The following GRIA4 variants were observed in gnomAD, a reference collection of about 807,000 sequenced individuals.
GRIA4 encodes the protein glutamate receptor 4.
In GRIA4, 34 loss-of-function variants were observed where a neutral mutation model predicts 104.0. That is an observed-to-expected ratio of 0.33 (90% CI 0.25 to 0.44). GRIA4 has a LOEUF of 0.44. GRIA4 is among the 20% of genes least tolerant of loss of function. GRIA4 has a pLI of 1.00. For synonymous variants in GRIA4, 386 were observed against 381.9 expected, an observed-to-expected ratio of 1.01 and a Z score of -0.13; for missense variants, 750 against 1,096.5, an observed-to-expected ratio of 0.68 and a Z score of 4.46.
At chr11:105,622,802 A>C (rs780714877) in intron 3 of GRIA4, among the ~76,000 whole-genome samples, 2 of 151,588 alleles carry the variant, frequency 1.3e-5, no homozygotes, top group African/African-American at 2.4e-5. Flanking sequence ...CGTGCATTGC[A>C]CTCATTAAGT....
At chr11:105,842,368 T>TCA (rs2135962713) in intron 4 of GRIA4, among the ~76,000 whole-genome samples, 1 of 152,254 alleles carries the variant, frequency 6.6e-6, no homozygotes. Flanking sequence ...TTAGTGTGAC[T>TCA]GCTATGATAA....
At chr11:105,762,400 T>C (rs1338205319) in intron 4 of GRIA4, among the ~76,000 whole-genome samples, 1 of 152,208 alleles carries the variant, frequency 6.6e-6, no homozygotes, top group African/African-American at 2.4e-5. Context: ...TGACAATTGT[T>C]TTCTGGATGG....
At chr11:105,924,353 T>C (rs200389562) in intron 11 of GRIA4, 46 bp from the exon 12 acceptor site, 18 of 1,444,160 alleles carry the variant, frequency 1.2e-5, no homozygotes, top group Middle Eastern at 1.8e-4. Context: ...AATTGCTTCA[T>C]GAAATTCATT....
At chr11:105,610,870 C>CTTTTTTTTT (rs55973528) in intron 1 of GRIA4, 38 bp from the exon 2 acceptor site, 3 of 330,394 alleles carry the variant, frequency 9.1e-6, no homozygotes, top group African/African-American at 2.7e-5. Context: ...TCTTTCTTTT[C>CTTTTTTTTT]TTTTTTTTTT....
chr11:105,731,936 C>T (rs190123616), intron 3 of GRIA4, among the ~76,000 whole-genome samples: 2 of 151,902 alleles, frequency 1.3e-5, no homozygotes, highest in Admixed American at 1.3e-4. Context: ...GATGATGGGT[C>T]GATGGGTGCA....
intron 3 of GRIA4, among the ~76,000 whole-genome samples, chr11:105,628,021 G>A (rs1950931910): frequency 6.6e-6 from 1 of 152,020 alleles, no homozygotes; most frequent in South Asian, 2.1e-4. Flanking sequence ...TAAAAAATGA[G>A]TTGAACAATT....
At chr11:105,845,601 G>A (rs1453312061) in intron 4 of GRIA4, among the ~76,000 whole-genome samples, 2 of 152,146 alleles carry the variant, frequency 1.3e-5, no homozygotes, top group African/African-American at 4.8e-5. Context: ...ACCTATCCCA[G>A]GCCGGGCACG....
chr11:105,642,066 G>A (rs755300644), intron 3 of GRIA4, among the ~76,000 whole-genome samples: 37 of 151,932 alleles, frequency 2.4e-4, no homozygotes, highest in Non-Finnish European at 4.4e-4. Context: ...CTCTTTTTAT[G>A]AGAACACCAG....
At chr11:105,945,099 C>T (rs1948276604) in intron 14 of GRIA4, among the ~76,000 whole-genome samples, 1 of 152,108 alleles carries the variant, frequency 6.6e-6, no homozygotes, top group Non-Finnish European at 1.5e-5. Context: ...GAGCTGAGAA[C>T]ACCCCAGCAT....
At chr11:105,904,933 T>A (rs1946989037) in intron 8 of GRIA4, among the ~76,000 whole-genome samples, 1 of 152,206 alleles carries the variant, frequency 6.6e-6, no homozygotes, top group South Asian at 2.1e-4. Context: ...GGGAGGATTC[T>A]TCGACTAAAA....
At chr11:105,893,221 T>C (rs1946518044) in intron 6 of GRIA4, among the ~76,000 whole-genome samples, 1 of 152,132 alleles carries the variant, frequency 6.6e-6, no homozygotes, top group Non-Finnish European at 1.5e-5. Flanking sequence ...ACTTAACCAC[T>C]GATTTCTTCC....
chr11:105,654,436 T>C (rs1047736352), intron 3 of GRIA4, among the ~76,000 whole-genome samples: 1 of 152,014 alleles, frequency 6.6e-6, no homozygotes, highest in Non-Finnish European at 1.5e-5. Context: ...TAAAAAATAA[T>C]AACTTAAAAA....
intron 4 of GRIA4, among the ~76,000 whole-genome samples, chr11:105,818,527 A>G (rs985671906): frequency 2.0e-5 from 3 of 152,184 alleles, no homozygotes; most frequent in Non-Finnish European, 4.4e-5. Context: ...ATATTTTATT[A>G]CATATAATAA....
intron 4 of GRIA4, among the ~76,000 whole-genome samples, chr11:105,806,759 G>T (rs934621548): frequency 1.3e-5 from 2 of 151,400 alleles, no homozygotes; most frequent in East Asian, 3.9e-4. Context: ...CCCCAAAAAA[G>T]TCCGAACACT....
intron 3 of GRIA4, among the ~76,000 whole-genome samples, chr11:105,638,537 G>A (rs1428732559): frequency 1.1e-5 from 1 of 93,150 alleles, no homozygotes; most frequent in Non-Finnish European, 2.6e-5. Flanking sequence ...AGGTGCGCGT[G>A]TATGTGTGTG....
At chr11:105,612,003 A>T (rs565472080) in intron 2 of GRIA4, among the ~76,000 whole-genome samples, 1 of 152,210 alleles carries the variant, frequency 6.6e-6, no homozygotes, top group African/African-American at 2.4e-5. Flanking sequence ...GCTGGGAATC[A>T]GGGGGAGGGC....
chr11:105,842,758 A>G (rs1244561792), intron 4 of GRIA4: 2 of 152,172 alleles, frequency 1.3e-5, no homozygotes, highest in Non-Finnish European at 2.9e-5. Flanking sequence ...TACAATAAAG[A>G]TATCTCTTTC....
intron 4 of GRIA4, among the ~76,000 whole-genome samples, chr11:105,814,607 G>C (rs535905052): frequency 6.6e-6 from 1 of 152,090 alleles, no homozygotes; most frequent in African/African-American, 2.4e-5. Context: ...AAAATGCGTA[G>C]TAGAGTGACA....
chr11:105,923,382 C>T (rs1181008964), intron 11 of GRIA4, among the ~76,000 whole-genome samples: 1 of 152,054 alleles, frequency 6.6e-6, no homozygotes, highest in Non-Finnish European at 1.5e-5. Flanking sequence ...GCAGCCCAGG[C>T]TCAAATCCCA....
Sources: gnomAD v4.1 joint callset for allele counts (sites outside exome capture counted in the v4.1 genomes callset) on GRCh38, gnomAD v4.1.1 for gene constraint, MANE v1.5 for transcripts, NCBI Gene and HGNC (gene_info 2026-07-23, HGNC 2026-07-21) for gene names.